Variants in SEMA6D observed in about 807,000 individuals in gnomAD.
SEMA6D encodes semaphorin-6D.
SEMA6D carries 35 observed loss-of-function variants against 106.6 expected under a neutral mutation model. The observed-to-expected ratio is 0.33, with a 90% CI of 0.25 to 0.44. The LOEUF (loss-of-function observed/expected upper bound fraction) is 0.44. Ranked by LOEUF, SEMA6D falls within the 20% of genes least tolerant of loss-of-function variation. The probability of loss-of-function intolerance (pLI) is 1.00; values close to 1 mark genes in which losing one functional copy is unlikely to be tolerated. For synonymous variants in SEMA6D, 499 were observed against 487.7 expected (o/e 1.02, Z -0.31); for missense variants, 1,185 against 1,345.9 (o/e 0.88, Z 1.87).
chr15:47,439,881 G>T (rs2041830797), intron 2 of SEMA6D, among the ~76,000 whole-genome samples: 1 of 152,070 alleles, frequency 6.6e-6, no homozygotes, highest in Admixed American at 6.6e-5. Flanking sequence ...TGAACACATG[G>T]TAGTTTCATT....
At chr15:47,555,041 G>A (rs142563360) in intron 3 of SEMA6D, among the ~76,000 whole-genome samples, 16 of 152,220 alleles carry the variant, frequency 1.1e-4, no homozygotes, top group Middle Eastern at 6.8e-3. Context: ...AAGCAGGCCC[G>A]CTTCAAATAT....
chr15:47,480,804 C>T (rs1028552156), intron 3 of SEMA6D, among the ~76,000 whole-genome samples: 1 of 152,148 alleles, frequency 6.6e-6, no homozygotes, highest in African/African-American at 2.4e-5. Context: ...TGTAACAAAA[C>T]CATAATAACA....
upstream of SEMA6D, among the ~76,000 whole-genome samples, chr15:47,714,349 A>C (rs2146129643): frequency 6.6e-6 from 1 of 152,294 alleles, no homozygotes; most frequent in East Asian, 1.9e-4. Context: ...GATAATAATA[A>C]TAATAGTACT....
intron 3 of SEMA6D, among the ~76,000 whole-genome samples, chr15:47,517,093 G>C (rs1436215479): frequency 3.3e-5 from 5 of 152,134 alleles, no homozygotes; most frequent in Admixed American, 1.3e-4. Flanking sequence ...ACCTCGGACA[G>C]TAGTGTTTTT....
intron 4 of SEMA6D, among the ~76,000 whole-genome samples, chr15:47,677,143 G>A (rs2078262406): frequency 6.6e-6 from 1 of 152,134 alleles, no homozygotes; most frequent in Non-Finnish European, 1.5e-5. Context: ...TGTGTGGCCA[G>A]GTTCCTAACA....
chr15:47,426,568 C>T (rs949221388), intron 2 of SEMA6D, among the ~76,000 whole-genome samples: 5 of 152,060 alleles, frequency 3.3e-5, no homozygotes, highest in African/African-American at 1.2e-4. Flanking sequence ...GTCCCAAGAG[C>T]TGCTAGTTTA....
At chr15:47,406,795 A>AC (rs397708695) in intron 1 of SEMA6D, among the ~76,000 whole-genome samples, 1 of 151,616 alleles carries the variant, frequency 6.6e-6, no homozygotes, top group Non-Finnish European at 1.5e-5. Context: ...AAAAAAAAAA[A>AC]TGAAGTGACT....
chr15:47,766,804 G>A (rs80319945), intron 16 of SEMA6D, 127 bp downstream of exon 16: 11 of 701,194 alleles, frequency 1.6e-5, no homozygotes, highest in Middle Eastern at 2.5e-4. Flanking sequence ...CTTAAACTTC[G>A]CAAAAGCTGA....
intron 4 of SEMA6D, among the ~76,000 whole-genome samples, chr15:47,685,260 A>G (rs928152742): frequency 5.9e-5 from 9 of 152,210 alleles, no homozygotes; most frequent in Admixed American, 5.9e-4. Flanking sequence ...GTTTTCCCAG[A>G]ATCCCTAGAA....
intron 1 of SEMA6D, among the ~76,000 whole-genome samples, chr15:47,230,506 C>G (rs542471828): frequency 6.6e-6 from 1 of 152,118 alleles, no homozygotes; most frequent in Admixed American, 6.6e-5. Flanking sequence ...ATCTCCAGTA[C>G]CTAACACAAG....
chr15:47,706,587 C>T (rs1050496211), intron 4 of SEMA6D, among the ~76,000 whole-genome samples: 2 of 152,088 alleles, frequency 1.3e-5, no homozygotes, highest in South Asian at 2.1e-4. Context: ...ACCTACAGTT[C>T]GCAAATTGAA....
chr15:47,747,985 C>A (rs945851324), intron 1 of SEMA6D, among the ~76,000 whole-genome samples: 2 of 152,226 alleles, frequency 1.3e-5, no homozygotes, highest in Non-Finnish European at 2.9e-5. Flanking sequence ...GCCTGCTTTC[C>A]TTCCCTTTGT....
intron 1 of SEMA6D, among the ~76,000 whole-genome samples, chr15:47,314,597 CA>C (rs764929520): frequency 0.14 from 3,495 of 24,308 alleles, 148 homozygotes; most frequent in African/African-American, 0.28. Flanking sequence ...GACTCCATCT[CA>C]AAAAAAAAAA....
intron 1 of SEMA6D, among the ~76,000 whole-genome samples, chr15:47,401,313 C>T (rs961934443): frequency 2.0e-5 from 3 of 152,110 alleles, no homozygotes; most frequent in Admixed American, 6.5e-5. Flanking sequence ...GAATGTTTGA[C>T]GTGTGCCATG....
chr15:47,205,632 G>A (rs1895008797), intron 1 of SEMA6D, among the ~76,000 whole-genome samples: 1 of 152,004 alleles, frequency 6.6e-6, no homozygotes, highest in African/African-American at 2.4e-5. Context: ...ATTTGCTGAT[G>A]GCATTATAAA....
chr15:47,430,337 G>C (rs1332067185), intron 2 of SEMA6D, among the ~76,000 whole-genome samples: 1 of 151,962 alleles, frequency 6.6e-6, no homozygotes, highest in East Asian at 1.9e-4. Flanking sequence ...TTATTTGCAT[G>C]GTTGCTGCAA....
chr15:47,766,987 C>G, intron 16 of SEMA6D, 50 bp from the exon 17 acceptor site: 1 of 1,074,398 alleles, frequency 9.3e-7, no homozygotes, highest in Non-Finnish European at 1.3e-6. Flanking sequence ...TAAATTTTTG[C>G]TTTCTTTTGG....
chr15:47,246,594 G>A (rs757121875), intron 1 of SEMA6D, among the ~76,000 whole-genome samples: 3 of 151,858 alleles, frequency 2.0e-5, no homozygotes, highest in Admixed American at 6.6e-5. Context: ...CTCCATCTTC[G>A]TAGCCAGCAA....
chr15:47,719,613 T>A (rs1284448754), intron 1 of SEMA6D, among the ~76,000 whole-genome samples: 2 of 152,252 alleles, frequency 1.3e-5, no homozygotes, highest in African/African-American at 4.8e-5. Context: ...AACATTTTTC[T>A]AAACTGGTTT....
Sources: allele counts gnomAD v4.1 joint callset (sites outside exome capture counted in the v4.1 genomes callset), GRCh38; gene constraint gnomAD v4.1.1; transcripts MANE v1.5; gene names NCBI Gene and HGNC (gene_info 2026-07-23, HGNC 2026-07-21).